Variants in OR52B4 observed in about 807,000 individuals in gnomAD.
OR52B4 encodes the protein olfactory receptor 52B4.
For synonymous variants in OR52B4, 182 were observed against 142.3 expected, an observed-to-expected ratio of 1.28 and a Z score of -1.98; for missense variants, 450 against 387.0, an observed-to-expected ratio of 1.16 and a Z score of -1.36.
Position 4,367,473 on chromosome 11 carries a change from G to A in OR52B4, c.823C>T (p.His275Tyr). The change falls in exon 1 of 1, where the codon CAC (histidine) becomes TAC (tyrosine). Residue 275 changes from histidine to tyrosine, a missense_variant. Coordinates refer to ENST00000624801, the MANE Select transcript of OR52B4 (RefSeq NM_001005161.3). ...ATGCAGACATTAGCCAACGGGATGTGGATACAAGGTGGAATGTGGCGTCCA... is the reference window on the plus strand; with the variant it reads ...ATGCAGACATTAGCCAACGGGATGTAGATACAAGGTGGAATGTGGCGTCCA... ...RFGRHIPPCI[H>Y]IPLANVCILA... 6.2e-7 allele frequency: 1 copy of A among 1,613,892 alleles called. No individual in the cohort carries two copies. The highest frequency in any genetic ancestry group is 8.5e-7 in the Non-Finnish European group (1 of 1,179,822).
Position 4,367,283 on chromosome 11 carries a change from C to T in OR52B4, c.*68G>A, listed in dbSNP as rs1329614894. The T allele has an allele frequency of 4.2e-6, 4 of 955,542 alleles. No individual in the cohort carries two copies. In the African/African-American group the frequency reaches 4.9e-5, roughly 12 times the overall value. The allele number at this position is 955,542 out of a possible 1,614,324, so 59.2% of individuals were successfully genotyped here. A position where few individuals can be genotyped will look rare whatever the true frequency, so the allele number is the denominator to read the frequency against. ...TCCTACGGTATCAGCTGACCTCTCCCATCTACCACTTTCATACCCACTTAC... is the reference window on the plus strand; with the variant it reads ...TCCTACGGTATCAGCTGACCTCTCCTATCTACCACTTTCATACCCACTTAC... On this transcript the variant is annotated 3_prime_UTR_variant, in exon 1 of 1. Transcript: ENST00000624801.
Position 4,368,259 on chromosome 11 carries a change from C to CT in OR52B4, c.36dup (p.Val13SerfsTer47). The CT allele has an allele frequency of 6.2e-7, 1 of 1,613,056 alleles. No individual in the cohort carries two copies. Reference sequence around the variant, plus strand: ...CCAGGGATGCCCAGCAAGTGGAAGACTGTGTGGCTAGTGCCACTGTGGTTT... The same window carrying CT: ...CCAGGGATGCCCAGCAAGTGGAAGACTTGTGTGGCTAGTGCCACTGTGGTTT... On this transcript the variant is annotated frameshift_variant, in exon 1 of 1. Coordinates refer to ENST00000624801, the MANE Select transcript of OR52B4 (RefSeq NM_001005161.3). LOFTEE classifies it low-confidence loss of function (END_TRUNC).
In OR52B4 at chr11:4,368,211, T is replaced by A; in HGVS notation, c.85A>T (p.Ile29Phe). Residue 29 changes from isoleucine (I) to phenylalanine (F), a missense_variant, in exon 1 of 1, where the codon ATT (isoleucine) becomes TTT (phenylalanine). Coordinates refer to ENST00000624801, the MANE Select transcript of OR52B4 (RefSeq NM_001005161.3). ...TAGGAAATGAAGAATGGGATAGAAA[T>A]CCACATGTGCTGGTCCTGTAGGCCA... Reference protein sequence around the residue: ...IPGLQDQHMWISIPFFISYVT... With the variant: ...IPGLQDQHMWFSIPFFISYVT... 6.2e-7 allele frequency: 1 copy of A among 1,613,862 alleles called. No homozygotes were observed. Among genetic ancestry groups the A allele is most frequent in the Non-Finnish European group, 8.5e-7 (1 of 1,179,874 alleles).
chr11:4,367,862 T>A lies in OR52B4; in HGVS notation c.434A>T (p.Lys145Ile). The A allele has an allele frequency of 6.2e-7, 1 of 1,614,066 alleles. No homozygotes were observed. The highest frequency in any genetic ancestry group is 8.5e-7 in the Non-Finnish European group (1 of 1,179,954). The change falls in exon 1 of 1, where the codon AAA becomes ATA. Residue 145 changes from lysine to isoleucine, a missense_variant. Physicochemically the swap from Lys to Ile is moderately radical, Grantham distance 102. Coordinates refer to ENST00000624801, the MANE Select transcript of OR52B4 (RefSeq NM_001005161.3). ...TTILTNALIKKICVTVSLRSY... is the reference protein window; with the variant it reads ...TTILTNALIKIICVTVSLRSY... ...TCTCAGAGAGACAGTCACACAAATT[T>A]TCTTGATCAGAGCATTTGTAAGAAT...
Position 4,367,978 on chromosome 11 carries a change from G to T in OR52B4, c.318C>A (p.Ile106=), listed in dbSNP as rs375856925. 1 of 1,614,008 alleles carries T rather than the reference G, an allele frequency of 6.2e-7. No homozygotes were observed. Residue 106 remains isoleucine (I), a synonymous_variant, in exon 1 of 1, where the codon ATC becomes ATA. Coordinates refer to ENST00000624801, the MANE Select transcript of OR52B4 (RefSeq NM_001005161.3). The part of the protein sequence containing the change: ...LDRCITQLFF[I]HSTFISESGI... ...CTGACTCAGAGATGAAGGTGGAATG[G>T]ATGAAGAAGAGCTGAGTGATGCAAC... is the stretch of plus-strand genomic sequence containing the variant.
Position 4,367,952 on chromosome 11 carries a change from C to A in OR52B4, c.344G>T (p.Gly115Val). Reference protein sequence around the residue: ...FIHSTFISESGILLVMAFDHY... With the variant: ...FIHSTFISESVILLVMAFDHY... Reference sequence around the variant, plus strand: ...GTCAAAGGCCATCACCAGCAAGATCCCTGACTCAGAGATGAAGGTGGAATG... The same window carrying A: ...GTCAAAGGCCATCACCAGCAAGATCACTGACTCAGAGATGAAGGTGGAATG... The change falls in exon 1 of 1, where the codon GGG becomes GTG. Residue 115 changes from glycine to valine, a missense_variant. Transcript: ENST00000624801. 1 of 1,613,782 alleles carries A rather than the reference C, an allele frequency of 6.2e-7. No individual in the cohort carries two copies. Among genetic ancestry groups the A allele is most frequent in the South Asian group, 1.1e-5 (1 of 91,066 alleles).
At position 4,368,085 on chromosome 11, in the gene OR52B4, C is replaced by T. The variant is rs2094936963; in HGVS notation, c.211G>A (p.Ala71Thr). The T allele has an allele frequency of 5.6e-6, 9 of 1,613,962 alleles. No homozygotes were observed. The highest frequency in any genetic ancestry group is 1.7e-5 in the Admixed American group (1 of 59,950). The stretch of plus-strand genomic sequence containing the variant: ...GTGCACGTGGAGAGGACAATGTCTG[C>T]TCCAGCCAGCATGCAGAGGAAGAGG... ...MYLFLCMLAGADIVLSTCTIP... is the reference protein window; with the variant it reads ...MYLFLCMLAGTDIVLSTCTIP... Residue 71 changes from alanine to threonine, a missense_variant, in exon 1 of 1, where the codon GCA becomes ACA. Ala to Thr is a moderately conservative substitution (Grantham distance 58, BLOSUM62 0). Coordinates refer to ENST00000624801, the MANE Select transcript of OR52B4 (RefSeq NM_001005161.3).
In OR52B4 at chr11:4,367,909, G is replaced by C; in HGVS notation, c.387C>G (p.Cys129Trp). Reference sequence around the variant, plus strand: ...GAATGGTGGTGTACCTCAGTGGGTAGCATATGGCAATATAGTGGTCAAAGG... The same window carrying C: ...GAATGGTGGTGTACCTCAGTGGGTACCATATGGCAATATAGTGGTCAAAGG... ...VMAFDHYIAI[C>W]YPLRYTTILT... The change falls in exon 1 of 1, where the codon TGC becomes TGG. Residue 129 changes from cysteine to tryptophan, a missense_variant. Physicochemically the swap from Cys to Trp is radical, Grantham distance 215 (BLOSUM62 -2). Coordinates refer to ENST00000624801, the MANE Select transcript of OR52B4 (RefSeq NM_001005161.3). 6.2e-7 allele frequency: 1 copy of C among 1,614,026 alleles called. No individual in the cohort carries two copies. Among genetic ancestry groups the C allele is most frequent in the South Asian group, 1.1e-5 (1 of 91,082 alleles).
At position 4,367,366 on chromosome 11, in the gene OR52B4, A is replaced by C. The variant is rs777760112; in HGVS notation, c.930T>G (p.Phe310Leu). 1.9e-6 allele frequency: 3 copies of C among 1,599,914 alleles called. No individual in the cohort carries two copies. In the Admixed American group the frequency reaches 5.1e-5, roughly 27 times the overall value. Residue 310 changes from phenylalanine (F) to leucine (L), a missense_variant, in exon 1 of 1, where the codon TTT (phenylalanine) becomes TTG (leucine). By Grantham distance (22) the Phe-to-Leu change is conservative. Transcript: ENST00000624801. ...QIQEQVVQFL[F>L]IKQK ...TAAACCAAAGTTATTTCTGTTTTAT[A>C]AACAAAAACTGAACCACCTGTTCCT... is the stretch of plus-strand genomic sequence containing the variant.
In OR52B4 at chr11:4,367,781, T is replaced by C. The variant is rs1046061978; in HGVS notation, c.515A>G (p.Gln172Arg). The change falls in exon 1 of 1, where the codon CAG becomes CGG. Residue 172 changes from glutamine to arginine, a missense_variant. Coordinates refer to ENST00000624801, the MANE Select transcript of OR52B4 (RefSeq NM_001005161.3). ...IFLLKRLTFC[Q>R]NNIIPHTFCE... ...AAAGGTGTGTGGAATAATATTATTC[T>C]GGCAGAAAGTCAATCTTTTTAAAAG... 9.3e-6 allele frequency: 15 copies of C among 1,613,860 alleles called. No individual in the cohort carries two copies. Among genetic ancestry groups the C allele is most frequent in the Non-Finnish European group, 1.3e-5 (15 of 1,179,894 alleles).
rs777568920 is a variant in OR52B4 at position 4,367,461 on chromosome 11, C to T, written c.835G>A (p.Ala279Thr). ...GGTGGAGCCAGAATGCAGACATTAG[C>T]CAACGGGATGTGGATACAAGGTGGA... The part of the protein sequence containing the change: ...HIPPCIHIPL[A>T]NVCILAPPML... Residue 279 changes from alanine to threonine, a missense_variant, in exon 1 of 1, where the codon GCT (alanine) becomes ACT (threonine). Coordinates refer to ENST00000624801, the MANE Select transcript of OR52B4 (RefSeq NM_001005161.3). 1.9e-6 allele frequency: 3 copies of T among 1,613,900 alleles called. No individual in the cohort carries two copies. The South Asian group carries it at 3.3e-5, about 18-fold the overall frequency.
chr11:4,368,006 T>C lies in OR52B4; in HGVS notation c.290A>G (p.Asp97Gly), dbSNP rs1269936949. The change falls in exon 1 of 1, where the codon GAT becomes GGT. Residue 97 changes from aspartate (D) to glycine (G), a missense_variant. Coordinates refer to ENST00000624801, the MANE Select transcript of OR52B4 (RefSeq NM_001005161.3). ...GAAGAAGAGCTGAGTGATGCAACGA[T>C]CCAGGGAGATGTCCCCAGCACGGAA... is the stretch of plus-strand genomic sequence containing the variant. ...FWFRAGDISL[D>G]RCITQLFFIH... 1.9e-6 allele frequency: 3 copies of C among 1,613,942 alleles called. No homozygotes were observed. Among genetic ancestry groups the C allele is most frequent in the Admixed American group, 1.7e-5 (1 of 59,970 alleles).
Position 4,368,051 on chromosome 11 carries a change from T to C in OR52B4, c.245A>G (p.Gln82Arg). 6.2e-7 allele frequency: 1 copy of C among 1,613,936 alleles called. No homozygotes were observed. Among genetic ancestry groups the C allele is most frequent in the Non-Finnish European group, 8.5e-7 (1 of 1,179,956 alleles). ...ACGGAACCAGAAGATAGCTAAGGCC[T>C]GAGGAATGGTGCACGTGGAGAGGAC... ...DIVLSTCTIP[Q>R]ALAIFWFRAG... Residue 82 changes from glutamine to arginine, a missense_variant, in exon 1 of 1, where the codon CAG (glutamine) becomes CGG (arginine). Gln to Arg is a conservative substitution (Grantham distance 43). Transcript: ENST00000624801.
chr11:4,368,140 G>T lies in OR52B4; in HGVS notation c.156C>A (p.Leu52=). The change falls in exon 1 of 1, where the codon CTC becomes CTA. Residue 52 remains leucine (L), a synonymous_variant. Transcript: ENST00000624801. Reference sequence around the variant, plus strand: ...TGGGTTCATGGAGGCTGCGCTTTGTGAGGATAATGAAGATGAGCAGGCTGT... The same window carrying T: ...TGGGTTCATGGAGGCTGCGCTTTGTTAGGATAATGAAGATGAGCAGGCTGT... ...LGNSLLIFII[L]TKRSLHEPMY... 1.9e-6 allele frequency: 3 copies of T among 1,613,560 alleles called. No individual in the cohort carries two copies. In the East Asian group the frequency reaches 6.7e-5, roughly 36 times the overall value.
At position 4,367,667 on chromosome 11, in the gene OR52B4, AC is replaced by A; in HGVS notation, c.628del (p.Val210SerfsTer2). ...AATAAAAATTAGTACAACATCTAAG[AC>A]CACCGTCGACATTAGAATGGAAAAC... ...YGFSILMSTV[V>X]LDVVLIFISY... On this transcript the variant is annotated frameshift_variant, in exon 1 of 1. Transcript: ENST00000624801. LOFTEE classifies it low-confidence loss of function (END_TRUNC). 1 of 1,613,980 alleles carries A rather than the reference AC, an allele frequency of 6.2e-7. No homozygotes were observed. Among genetic ancestry groups the A allele is most frequent in the Non-Finnish European group, 8.5e-7 (1 of 1,179,908 alleles).
At position 4,368,200 on chromosome 11, in the gene OR52B4, TG is replaced by T. The variant is rs2094937211; in HGVS notation, c.95del (p.Pro32HisfsTer53). The T allele has an allele frequency of 1.9e-6, 3 of 1,613,682 alleles. No individual in the cohort carries two copies. Among genetic ancestry groups the T allele is most frequent in the African/African-American group, 1.3e-5 (1 of 74,880 alleles). ...LQDQHMWISI[P>X]FFISYVTALL... ...GGGCGGTGACATAGGAAATGAAGAA[TG>T]GGATAGAAATCCACATGTGCTGGTC... is the stretch of plus-strand genomic sequence containing the variant. On this transcript the variant is annotated frameshift_variant, in exon 1 of 1. Coordinates refer to ENST00000624801, the MANE Select transcript of OR52B4 (RefSeq NM_001005161.3). LOFTEE classifies it low-confidence loss of function (END_TRUNC).
Position 4,368,125 on chromosome 11 carries a change from G to A in OR52B4, c.171C>T (p.Leu57=), listed in dbSNP as rs1408872667. 6.2e-7 allele frequency: 1 copy of A among 1,614,028 alleles called. No homozygotes were observed. Among genetic ancestry groups the A allele is most frequent in the Non-Finnish European group, 8.5e-7 (1 of 1,179,994 alleles). ...LIFIILTKRS[L]HEPMYLFLCM... is the part of the protein sequence containing the mutation. ...AGAGGAAGAGGTACATGGGTTCATG[G>A]AGGCTGCGCTTTGTGAGGATAATGA... Residue 57 remains leucine (L), a synonymous_variant, in exon 1 of 1, where the codon CTC becomes CTT. Coordinates refer to ENST00000624801, the MANE Select transcript of OR52B4 (RefSeq NM_001005161.3).
Position 4,368,076 on chromosome 11 carries a change from C to A in OR52B4, c.220G>T (p.Val74Phe). 2 of 1,613,940 alleles carry A rather than the reference C, an allele frequency of 1.2e-6. No individual in the cohort carries two copies. Among genetic ancestry groups the A allele is most frequent in the Non-Finnish European group, 1.7e-6 (2 of 1,179,970 alleles). The change falls in exon 1 of 1, where the codon GTC becomes TTC. Residue 74 changes from valine (V) to phenylalanine (F), a missense_variant. Transcript: ENST00000624801. ...FLCMLAGADI[V>F]LSTCTIPQAL... ...TGAGGAATGGTGCACGTGGAGAGGA[C>A]AATGTCTGCTCCAGCCAGCATGCAG...
Position 4,367,764 on chromosome 11 carries a change from G to A in OR52B4, c.532C>T (p.His178Tyr). Residue 178 changes from histidine to tyrosine, a missense_variant, in exon 1 of 1, where the codon CAC (histidine) becomes TAC (tyrosine). By Grantham distance (83) the His-to-Tyr change is moderately conservative. Transcript: ENST00000624801. ...LTFCQNNIIPHTFCEHIGLAK... is the reference protein window; with the variant it reads ...LTFCQNNIIPYTFCEHIGLAK... The stretch of plus-strand genomic sequence containing the variant: ...AGGCCAATGTGTTCACAAAAGGTGT[G>A]TGGAATAATATTATTCTGGCAGAAA... 6.2e-7 allele frequency: 1 copy of A among 1,613,850 alleles called. No homozygotes were observed. The highest frequency in any genetic ancestry group is 8.5e-7 in the Non-Finnish European group (1 of 1,179,806).
Sources: gnomAD v4.1 joint callset for allele counts on GRCh38, gnomAD v4.1.1 for gene constraint, MANE v1.5 for transcripts, NCBI Gene and HGNC (gene_info 2026-07-23, HGNC 2026-07-21) for gene names.